DPYSL3: variants seen among roughly 807,000 people sequenced by gnomAD.
DPYSL3 encodes the protein dihydropyrimidinase like 3, also known as dihydropyrimidinase-related protein 3.
DPYSL3 carries 16 observed loss-of-function variants against 66.1 expected under a neutral mutation model. The observed-to-expected ratio is 0.24, with a 90% confidence interval of 0.16 to 0.37. The LOEUF (loss-of-function observed/expected upper bound fraction) is 0.37, where lower values mean the gene tolerates loss of function less well. Ranked by LOEUF, DPYSL3 falls within the 10% of genes least tolerant of loss-of-function variation. DPYSL3 has a pLI of 1.00. For missense variants in DPYSL3, 738 were observed against 916.2 expected, an observed-to-expected ratio of 0.81 and a Z score of 2.51; for synonymous variants, 338 against 345.1, an observed-to-expected ratio of 0.98 and a Z score of 0.23.
chr5:147,450,363 T>G (rs180969795), intron 1 of DPYSL3, among the ~76,000 whole-genome samples: 1 of 152,316 alleles, frequency 6.6e-6, no homozygotes, highest in South Asian at 2.1e-4. Context: ...TTAATCCATT[T>G]AAGTGATAAT....
intron 1 of DPYSL3, among the ~76,000 whole-genome samples, chr5:147,478,949 G>A (rs1307703146): frequency 1.3e-5 from 2 of 152,240 alleles, no homozygotes; most frequent in Admixed American, 1.3e-4. Context: ...GATCAGACTT[G>A]CCTTTTGCTC....
chr5:147,465,267 A>T (rs145873063), intron 1 of DPYSL3, among the ~76,000 whole-genome samples: 1 of 152,310 alleles, frequency 6.6e-6, no homozygotes, highest in South Asian at 2.1e-4. Context: ...AGCTATATGA[A>T]GAGTGGTCTG....
At chr5:147,434,939 T>A (rs749215935) in intron 1 of DPYSL3, among the ~76,000 whole-genome samples, 4 of 152,170 alleles carry the variant, frequency 2.6e-5, no homozygotes, top group Admixed American at 2.0e-4. Context: ...TATTGGTTCA[T>A]CTATTGTAAC....
intron 1 of DPYSL3, chr5:147,472,686 T>G (rs1427305707): frequency 6.6e-6 from 1 of 152,206 alleles, no homozygotes; most frequent in African/African-American, 2.4e-5. Flanking sequence ...TCTCTGTTTT[T>G]CAAATTATGT....
chr5:147,404,694 T>C (rs1250852810), intron 8 of DPYSL3, among the ~76,000 whole-genome samples: 1 of 152,184 alleles, frequency 6.6e-6, no homozygotes, highest in Non-Finnish European at 1.5e-5. Context: ...CTGAAAACTT[T>C]AGCTAAGCAC....
At chr5:147,485,998 A>T (rs1377550965) in intron 1 of DPYSL3, among the ~76,000 whole-genome samples, 5 of 152,216 alleles carry the variant, frequency 3.3e-5, no homozygotes, top group African/African-American at 2.4e-5. Context: ...ATATATACAT[A>T]CAATGGAATA....
chr5:147,417,027 C>G (rs1461108654), intron 3 of DPYSL3, among the ~76,000 whole-genome samples: 1 of 152,168 alleles, frequency 6.6e-6, no homozygotes, highest in Non-Finnish European at 1.5e-5. Context: ...AATATACAGC[C>G]AAACTCTAAC....
intron 1 of DPYSL3, among the ~76,000 whole-genome samples, chr5:147,499,142 C>A (rs1305280999): frequency 1.3e-5 from 2 of 151,954 alleles, no homozygotes; most frequent in Non-Finnish European, 1.5e-5. Context: ...GAAGTCCTAG[C>A]TAATACAATT....
At chr5:147,409,795 A>T (rs986513046) in intron 6 of DPYSL3, among the ~76,000 whole-genome samples, 1 of 152,214 alleles carries the variant, frequency 6.6e-6, no homozygotes, top group Admixed American at 6.5e-5. Context: ...AATGTGTGAG[A>T]CACATAGGAA....
chr5:147,452,973 A>G (rs1752766768), intron 1 of DPYSL3, among the ~76,000 whole-genome samples: 1 of 151,960 alleles, frequency 6.6e-6, no homozygotes, highest in African/African-American at 2.4e-5. Context: ...GTCCAGTCCC[A>G]TAAACGATAC....
At chr5:147,507,469 T>C (rs2126466151) in intron 1 of DPYSL3, among the ~76,000 whole-genome samples, 1 of 152,150 alleles carries the variant, frequency 6.6e-6, no homozygotes, top group East Asian at 1.9e-4. Context: ...AAACAGATGG[T>C]TTAATTAAGG....
intron 1 of DPYSL3, among the ~76,000 whole-genome samples, chr5:147,434,485 C>T (rs1450688118): frequency 6.6e-6 from 1 of 152,144 alleles, no homozygotes; most frequent in Non-Finnish European, 1.5e-5. Flanking sequence ...AAGCCAAATG[C>T]CTATTCCATC....
intron 6 of DPYSL3, among the ~76,000 whole-genome samples, 173 bp downstream of exon 6, chr5:147,412,435 T>A (rs999440594): frequency 3.3e-5 from 5 of 151,122 alleles, no homozygotes; most frequent in African/African-American, 1.2e-4. Flanking sequence ...TTGTCTACAT[T>A]CCCCTCTGTT....
At chr5:147,470,863 C>A (rs1203331596) in intron 1 of DPYSL3, among the ~76,000 whole-genome samples, 2 of 152,178 alleles carry the variant, frequency 1.3e-5, no homozygotes, top group Non-Finnish European at 2.9e-5. Context: ...GACATCTATG[C>A]AGTTTCCCCT....
intron 1 of DPYSL3, among the ~76,000 whole-genome samples, chr5:147,439,871 T>A (rs1752499362): frequency 6.6e-6 from 1 of 152,206 alleles, no homozygotes; most frequent in South Asian, 2.1e-4. Flanking sequence ...CTTGACTGTG[T>A]CATTACTAAA....
At chr5:147,500,858 A>T (rs1011675378) in intron 1 of DPYSL3, among the ~76,000 whole-genome samples, 2 of 152,216 alleles carry the variant, frequency 1.3e-5, no homozygotes. Context: ...ATACTCATTC[A>T]TTGCTACTAA....
chr5:147,485,029 T>C (rs893168247), intron 1 of DPYSL3, among the ~76,000 whole-genome samples: 8 of 152,218 alleles, frequency 5.3e-5, no homozygotes, highest in African/African-American at 1.9e-4. Flanking sequence ...AGAGTTTTAG[T>C]CTCTTTTTTC....
At chr5:147,453,064 C>A (rs1476823398) in intron 1 of DPYSL3, among the ~76,000 whole-genome samples, 1 of 152,106 alleles carries the variant, frequency 6.6e-6, no homozygotes, top group Non-Finnish European at 1.5e-5. Context: ...GCCACCCTCG[C>A]GGCGCAGGGG....
intron 1 of DPYSL3, among the ~76,000 whole-genome samples, chr5:147,448,133 T>C (rs1004733997): frequency 1.3e-5 from 2 of 152,098 alleles, no homozygotes; most frequent in Non-Finnish European, 2.9e-5. Flanking sequence ...TTTTATTTTT[T>C]TCCAACTGAA....
Sources: gnomAD v4.1 joint callset for allele counts (sites outside exome capture counted in the v4.1 genomes callset) on GRCh38, gnomAD v4.1.1 for gene constraint, MANE v1.5 for transcripts, NCBI Gene and HGNC (gene_info 2026-07-23, HGNC 2026-07-21) for gene names.